HTR2A: variants seen among roughly 807,000 people sequenced by gnomAD.
HTR2A encodes the protein 5-HT2 receptor.
A neutral mutation model predicts 31.0 loss-of-function variants in HTR2A; 14 were observed. The observed-to-expected ratio is 0.45, with a 90% CI of 0.30 to 0.71. The LOEUF (loss-of-function observed/expected upper bound fraction) is 0.71. HTR2A is among the 30% of genes least tolerant of loss of function. The pLI is 0.09. For missense variants in HTR2A, 442 were observed against 573.3 expected, an observed-to-expected ratio of 0.77 and a Z score of 2.34; for synonymous variants, 209 against 225.2, an observed-to-expected ratio of 0.93 and a Z score of 0.64.
At chr13:46,846,930 C>A (rs987449862) in intron 3 of HTR2A, among the ~76,000 whole-genome samples, 1 of 152,234 alleles carries the variant, frequency 6.6e-6, no homozygotes, top group African/African-American at 2.4e-5. Context: ...TTCAGTCATG[C>A]AAGCCCTGGA....
chr13:46,841,878 T>C (rs1203488140), intron 3 of HTR2A, among the ~76,000 whole-genome samples: 1 of 152,106 alleles, frequency 6.6e-6, no homozygotes, highest in Non-Finnish European at 1.5e-5. Context: ...CATCTACCAT[T>C]TCAGCCCCCA....
intron 3 of HTR2A, among the ~76,000 whole-genome samples, chr13:46,878,159 C>A (rs1950929755): frequency 6.6e-6 from 1 of 152,080 alleles, no homozygotes; most frequent in Non-Finnish European, 1.5e-5. Flanking sequence ...AGAATGAGAG[C>A]AACAACCCTG....
Position 46,837,836 on chromosome 13 carries a change from T to C in HTR2A, c.614-2197A>G, listed in dbSNP as rs545277090. ...TTCTTAGTGACATTTGCCATTATCTTCAAAGACTTAATTAACAATATTTGT... is the reference window on the plus strand; with the variant it reads ...TTCTTAGTGACATTTGCCATTATCTCCAAAGACTTAATTAACAATATTTGT... On this transcript the variant is annotated intron_variant, in intron 3 of 3. Coordinates refer to ENST00000542664, the MANE Select transcript of HTR2A (RefSeq NM_000621.5). Among the ~76,000 whole-genome samples the C allele has an allele frequency of 2.0e-5, 3 of 152,336 alleles. No homozygotes were observed. The South Asian group carries it at 6.2e-4, about 32-fold the overall frequency.
chr13:46,873,945 A>G (rs933232920), intron 3 of HTR2A, among the ~76,000 whole-genome samples: 1 of 152,214 alleles, frequency 6.6e-6, no homozygotes, highest in African/African-American at 2.4e-5. Context: ...AAAGAAGTTC[A>G]TTCCCCTGAG....
intron 3 of HTR2A, among the ~76,000 whole-genome samples, chr13:46,886,409 G>A (rs1021257360): frequency 2.0e-5 from 3 of 152,152 alleles, no homozygotes; most frequent in African/African-American, 7.2e-5. Flanking sequence ...TAAAACTGAT[G>A]CTGATTGTCA....
At chr13:46,850,002 A>T (rs1950670515) in intron 3 of HTR2A, among the ~76,000 whole-genome samples, 1 of 152,250 alleles carries the variant, frequency 6.6e-6, no homozygotes, top group Non-Finnish European at 1.5e-5. Context: ...GAGAACAATT[A>T]TGACTACCTA....
chr13:46,897,318 A>G (rs952811665), upstream of HTR2A, among the ~76,000 whole-genome samples: 5 of 152,274 alleles, frequency 3.3e-5, no homozygotes, highest in African/African-American at 1.2e-4. Flanking sequence ...AGAAAACAGT[A>G]TGTCCTCGGA....
At chr13:46,839,647 T>C (rs1950583911) in intron 3 of HTR2A, among the ~76,000 whole-genome samples, 1 of 152,208 alleles carries the variant, frequency 6.6e-6, no homozygotes, top group Non-Finnish European at 1.5e-5. Flanking sequence ...ATATTTTTTC[T>C]GAAGAGTGGA....
In HTR2A at chr13:46,895,790, A is replaced by G; in HGVS notation, c.117T>C (p.Thr39=). 1.9e-6 allele frequency: 3 copies of G among 1,614,174 alleles called. No homozygotes were observed. Among genetic ancestry groups the G allele is most frequent in the Non-Finnish European group, 2.5e-6 (3 of 1,180,032 alleles). The part of the protein sequence containing the change: ...SNDFNSGEAN[T]SDAFNWTVDS... ...CGACTGTCCAGTTAAATGCATCAGA[A>G]GTGTTAGCTTCTCCGGAGTTAAAGT... Residue 39 remains threonine (T), a synonymous_variant, in exon 2 of 4, where the codon ACT becomes ACC. Transcript: ENST00000542664. This position sits in a 1 kb window ranked among gnomAD's most constrained non-coding sequence, Gnocchi z 4.4.
intron 3 of HTR2A, chr13:46,854,159 C>G (rs988377417): frequency 4.6e-5 from 7 of 152,172 alleles, no homozygotes; most frequent in African/African-American, 7.2e-5. Flanking sequence ...GGATTTGATT[C>G]TTAGCTAACA....
intron 3 of HTR2A, among the ~76,000 whole-genome samples, chr13:46,836,330 C>T (rs976980953): frequency 1.3e-5 from 2 of 152,048 alleles, no homozygotes; most frequent in African/African-American, 4.8e-5. Context: ...TATGTATTCT[C>T]ACCAGTCAGG....
chr13:46,867,975 A>T (rs1950832004), intron 3 of HTR2A, among the ~76,000 whole-genome samples: 1 of 152,240 alleles, frequency 6.6e-6, no homozygotes, highest in African/African-American at 2.4e-5. Flanking sequence ...CCCACATTGT[A>T]AAGTGGAAAA....
At chr13:46,849,424 C>G (rs558619465) in intron 3 of HTR2A, among the ~76,000 whole-genome samples, 1 of 152,180 alleles carries the variant, frequency 6.6e-6, no homozygotes, top group Non-Finnish European at 1.5e-5. Flanking sequence ...CCCTCAGAGA[C>G]CCCGCACTGC....
intron 3 of HTR2A, among the ~76,000 whole-genome samples, chr13:46,884,800 G>C (rs1363829101): frequency 1.0e-5 from 1 of 96,506 alleles, no homozygotes; most frequent in African/African-American, 2.9e-5. Context: ...CTCAGCACTT[G>C]TGTGTGTATT....
chr13:46,893,613 C>T (rs1378999807), intron 2 of HTR2A, among the ~76,000 whole-genome samples: 1 of 152,142 alleles, frequency 6.6e-6, no homozygotes, highest in African/African-American at 2.4e-5. Flanking sequence ...TTTCCAAGCT[C>T]CCCAGACAAT....
At position 46,835,237 on chromosome 13, in the gene HTR2A, A is replaced by C. The variant is rs765972863; in HGVS notation, c.1016T>G (p.Phe339Cys). ...FFLFVVMWCP[F>C]FITNIMAVIC... ...GACGGCCATGATGTTTGTGATGAAG[A>C]AAGGGCACCACATCACCACAAACAG... The change falls in exon 4 of 4, where the codon TTC (phenylalanine) becomes TGC (cysteine). Residue 339 changes from phenylalanine to cysteine, a missense_variant. Around this residue, in one of 5 missense-constraint regions of HTR2A, gnomAD observed 174 missense variants for 195.1 expected, o/e 0.89. Coordinates refer to ENST00000542664, the MANE Select transcript of HTR2A (RefSeq NM_000621.5). The C allele has an allele frequency of 1.9e-6, 3 of 1,614,018 alleles. No individual in the cohort carries two copies. Among genetic ancestry groups the C allele is most frequent in the Non-Finnish European group, 2.5e-6 (3 of 1,180,024 alleles).
intron 3 of HTR2A, among the ~76,000 whole-genome samples, chr13:46,891,935 T>C (rs1244864207): frequency 6.6e-6 from 1 of 152,216 alleles, no homozygotes; most frequent in Non-Finnish European, 1.5e-5. Flanking sequence ...CCTGGCACTT[T>C]CCTCTGGCCC....
At chr13:46,852,426 C>T (rs983999120) in intron 3 of HTR2A, among the ~76,000 whole-genome samples, 1 of 152,230 alleles carries the variant, frequency 6.6e-6, no homozygotes, top group Non-Finnish European at 1.5e-5. Context: ...CGTCTGCTTA[C>T]ACAGAGTGCT....
At chr13:46,859,163 A>G (rs565632889) in intron 3 of HTR2A, among the ~76,000 whole-genome samples, 1 of 152,312 alleles carries the variant, frequency 6.6e-6, no homozygotes, top group Non-Finnish European at 1.5e-5. Flanking sequence ...TCTCTTTCCC[A>G]AATAATCAGA....
Sources: allele counts gnomAD v4.1 joint callset (sites outside exome capture counted in the v4.1 genomes callset), GRCh38; gene constraint gnomAD v4.1.1; regional missense constraint gnomAD v4.1.1; non-coding constraint Gnocchi (gnomAD v3.1); transcripts MANE v1.5; gene names NCBI Gene and HGNC (gene_info 2026-07-23, HGNC 2026-07-21).